Variants in VWA1 observed in about 807,000 individuals in gnomAD.
VWA1 encodes von Willebrand factor A domain containing 1.
A neutral mutation model predicts 14.9 loss-of-function variants in VWA1; 12 were observed. The ratio of observed to expected loss-of-function variants is 0.80; its 90% CI spans 0.52 to 1.30. The LOEUF (loss-of-function observed/expected upper bound fraction) is 1.30, where lower values mean the gene tolerates loss of function less well. Ranked by LOEUF, VWA1 falls within the 50% of genes most tolerant of loss-of-function variation. The pLI is 0.00. For missense variants in VWA1, 800 were observed against 649.1 expected, an observed-to-expected ratio of 1.23 and a Z score of -2.53; for synonymous variants, 368 against 310.7, an observed-to-expected ratio of 1.18 and a Z score of -1.94.
In VWA1 at chr1:1,441,273, T is replaced by C. The variant is rs1255625215; in HGVS notation, c.*1486T>C. The C allele has an allele frequency of 1.3e-5, 2 of 152,130 alleles. No individual in the cohort carries two copies. The highest frequency in any genetic ancestry group is 2.9e-5 in the Non-Finnish European group (2 of 68,020). The allele number at this position is 152,130 out of a possible 1,614,324, so 9.4% of individuals were successfully genotyped here. A position where few individuals can be genotyped will look rare whatever the true frequency, so the allele number is the denominator to read the frequency against. ...CAAGAACCCAGCTCTGTGCATCCCG[T>C]GGCCCCACCAGAAACCCAAGGCCAC... On this transcript the variant is annotated 3_prime_UTR_variant, in exon 3 of 3. Transcript: ENST00000476993.
rs370683192 is a variant in VWA1 at position 1,437,056 on chromosome 1, C to T, written c.203C>T (p.Thr68Ile). 30 of 1,610,672 alleles carry T rather than the reference C, an allele frequency of 1.9e-5. No individual in the cohort carries two copies. The highest frequency in any genetic ancestry group is 2.4e-5 in the Non-Finnish European group (28 of 1,178,930). ...CTGGTGGCTCCACTGCCCCTGGGCA[C>T]CGGGGCCCTGCGTGCCAGTCTGGTG... is the stretch of plus-strand genomic sequence containing the variant. ...GQLVAPLPLG[T>I]GALRASLVHV... is the part of the protein sequence containing the mutation. The change falls in exon 2 of 3, where the codon ACC (threonine) becomes ATC (isoleucine). Residue 68 changes from threonine (T) to isoleucine (I), a missense_variant. Physicochemically the swap from Thr to Ile is moderately conservative, Grantham distance 89. Transcript: ENST00000476993.
chr1:1,439,117 T>A lies in VWA1; in HGVS notation c.668T>A (p.Ile223Asn), dbSNP rs759338228. 1.1e-5 allele frequency: 18 copies of A among 1,600,250 alleles called. No individual in the cohort carries two copies. In the South Asian group the frequency reaches 1.6e-4, roughly 15 times the overall value. ...MRPQQLHATEITSSGFRLAWP... is the reference protein window; with the variant it reads ...MRPQQLHATENTSSGFRLAWP... ...CCGCAGCAGCTCCATGCCACGGAGA[T>A]CACGTCCAGCGGCTTCCGCCTGGCC... The change falls in exon 3 of 3, where the codon ATC becomes AAC. Residue 223 changes from isoleucine (I) to asparagine (N), a missense_variant. Coordinates refer to ENST00000476993, the MANE Select transcript of VWA1 (RefSeq NM_022834.5).
chr1:1,439,161 G>A lies in VWA1; in HGVS notation c.712G>A (p.Ala238Thr). ...CCTGGCCTGGCCACCCCTGCTGACC[G>A]CAGACTCGGGCTACTATGTGCTGGA... ...FRLAWPPLLT[A>T]DSGYYVLELV... Residue 238 changes from alanine (A) to threonine (T), a missense_variant, in exon 3 of 3, where the codon GCA (alanine) becomes ACA (threonine). Ala to Thr is a moderately conservative substitution (Grantham distance 58). Coordinates refer to ENST00000476993, the MANE Select transcript of VWA1 (RefSeq NM_022834.5). 1.9e-6 allele frequency: 3 copies of A among 1,603,378 alleles called. No individual in the cohort carries two copies. The highest frequency in any genetic ancestry group is 1.7e-6 in the Non-Finnish European group (2 of 1,179,214).
chr1:1,435,798 TGGCGCGGAGC>T lies in VWA1; in HGVS notation c.62_71del (p.Gly21AlafsTer12), dbSNP rs749383814. 51 of 1,202,298 alleles carry T rather than the reference TGGCGCGGAGC, an allele frequency of 4.2e-5. No homozygotes were observed. The highest frequency in any genetic ancestry group is 2.3e-4 in the South Asian group (10 of 43,638). 74.5% of individuals were successfully genotyped at this position (1,202,298 alleles called of 1,614,324 possible). On this transcript the variant is annotated frameshift_variant, in exon 1 of 3. Transcript: ENST00000476993. LOFTEE classifies it high-confidence loss of function. ...CTGGCCCTGAGCTTGCGGCTGGCGCTGGCGCGGAGCGGCGCGGAGCGCGGTGAGTGCGGCG... is the reference window on the plus strand; with the variant it reads ...CTGGCCCTGAGCTTGCGGCTGGCGCTGGCGCGGAGCGCGGTGAGTGCGGCG...
At position 1,437,302 on chromosome 1, in the gene VWA1, C is replaced by T. The variant is rs1424890923; in HGVS notation, c.449C>T (p.Pro150Leu). The T allele has an allele frequency of 6.2e-7, 1 of 1,611,130 alleles. No homozygotes were observed. Among genetic ancestry groups the T allele is most frequent in the South Asian group, 1.1e-5 (1 of 90,740 alleles). Residue 150 changes from proline to leucine, a missense_variant, in exon 2 of 3, where the codon CCT becomes CTT. Coordinates refer to ENST00000476993, the MANE Select transcript of VWA1 (RefSeq NM_022834.5). ...GTGACAGATGGCGGCTCCAGCGACC[C>T]TGTGGGCCCCCCCATGCAGGAGCTC... ...VWVTDGGSSD[P>L]VGPPMQELKD...
In VWA1 at chr1:1,437,200, C is replaced by A. The variant is rs144738139; in HGVS notation, c.347C>A (p.Ala116Glu). The change falls in exon 2 of 3, where the codon GCG (alanine) becomes GAG (glutamate). Residue 116 changes from alanine to glutamate, a missense_variant. Transcript: ENST00000476993. ...QRMGDTHTGL[A>E]LVYAKEQLFA... ...ATGGGTGACACCCACACTGGCCTGG[C>A]GCTGGTCTATGCCAAGGAACAGCTG... 1 of 1,611,684 alleles carries A rather than the reference C, an allele frequency of 6.2e-7. No individual in the cohort carries two copies.
rs754903823 is a variant in VWA1 at position 1,439,414 on chromosome 1, C to T, written c.965C>T (p.Thr322Met). 14 of 1,417,218 alleles carry T rather than the reference C, an allele frequency of 9.9e-6. No individual in the cohort carries two copies. The African/African-American group carries it at 2.0e-4, about 20-fold the overall frequency. The allele number at this position is 1,417,218 out of a possible 1,614,324, so 87.8% of individuals were successfully genotyped here. ...GPESGAGPAP[T>M]QLAALPAPEE... ...GAGTCGGGGGCTGGGCCGGCCCCCA[C>T]GCAGCTCGCCGCCCTCCCCGCCCCA... Residue 322 changes from threonine (T) to methionine (M), a missense_variant, in exon 3 of 3, where the codon ACG becomes ATG. Physicochemically the swap from Thr to Met is moderately conservative, Grantham distance 81. Transcript: ENST00000476993.
Position 1,439,271 on chromosome 1 carries a change from C to T in VWA1, c.822C>T (p.Asp274=), listed in dbSNP as rs779236873. 5.6e-6 allele frequency: 9 copies of T among 1,605,696 alleles called. No homozygotes were observed. The East Asian group carries it at 1.8e-4, about 32-fold the overall frequency. The change falls in exon 3 of 3, where the codon GAC becomes GAT. Residue 274 remains aspartate, a synonymous_variant. Transcript: ENST00000476993. ...NATDWIWAGL[D]PDTDYDVALV... ...CGGACTGGATCTGGGCCGGCCTCGA[C>T]CCGGACACGGACTACGACGTGGCGC...
At chr1:1,435,852 G>GGGGCTT in intron 1 of VWA1, 31 bp downstream of exon 1, 1 of 1,110,802 alleles carries the variant, frequency 9.0e-7, no homozygotes, top group Admixed American at 5.2e-5. Flanking sequence ...GGCCGGGGCT[G>GGGGCTT]GGGCTTCTGG....
chr1:1,439,923 G>A lies in VWA1; in HGVS notation c.*136G>A. On this transcript the variant is annotated 3_prime_UTR_variant, in exon 3 of 3. Transcript: ENST00000476993. ...CCCACGCGGACTCCGCGCGACCCCG[G>A]CCCTCTCCCTGCGGCCGCAGGGCTT... The A allele has an allele frequency of 3.0e-6, 3 of 987,130 alleles. No individual in the cohort carries two copies. The East Asian group carries it at 2.6e-4, about 86-fold the overall frequency. 61.1% of individuals were successfully genotyped at this position (987,130 alleles called of 1,614,324 possible). A position where few individuals can be genotyped will look rare whatever the true frequency, so the allele number is the denominator to read the frequency against.
At position 1,435,736 on chromosome 1, in the gene VWA1, T is replaced by C; in HGVS notation, c.-13T>C. On this transcript the variant is annotated 5_prime_UTR_variant, in exon 1 of 3. Coordinates refer to ENST00000476993, the MANE Select transcript of VWA1 (RefSeq NM_022834.5). ...CGAGCGAGTTGCCGAGCGCGCCCCGTCCCTCGCGCGCGATGCTCCCCTGGA... is the reference window on the plus strand; with the variant it reads ...CGAGCGAGTTGCCGAGCGCGCCCCGCCCCTCGCGCGCGATGCTCCCCTGGA... The C allele has an allele frequency of 1.7e-6, 2 of 1,204,346 alleles. No individual in the cohort carries two copies. Among genetic ancestry groups the C allele is most frequent in the Non-Finnish European group, 2.1e-6 (2 of 964,024 alleles). The allele number at this position is 1,204,346 out of a possible 1,614,324, so 74.6% of individuals were successfully genotyped here.
At position 1,437,333 on chromosome 1, in the gene VWA1, C is replaced by T. The variant is rs753903082; in HGVS notation, c.480C>T (p.Asp160=). Residue 160 remains aspartate (D), a synonymous_variant, in exon 2 of 3, where the codon GAC becomes GAT. Transcript: ENST00000476993. ...GCCCCCCCATGCAGGAGCTCAAGGA[C>T]CTGGGCGTCACCGTGTTCATTGTCA... The part of the protein sequence containing the change: ...PVGPPMQELK[D]LGVTVFIVST... 2 of 1,612,416 alleles carry T rather than the reference C, an allele frequency of 1.2e-6. No individual in the cohort carries two copies. The highest frequency in any genetic ancestry group is 1.3e-5 in the African/African-American group (1 of 75,052).
Position 1,435,738 on chromosome 1 carries a change from C to T in VWA1, c.-11C>T, listed in dbSNP as rs1638522207. 3 of 1,206,776 alleles carry T rather than the reference C, an allele frequency of 2.5e-6. No individual in the cohort carries two copies. The highest frequency in any genetic ancestry group is 3.1e-6 in the Non-Finnish European group (3 of 965,452). The allele number at this position is 1,206,776 out of a possible 1,614,324, so 74.8% of individuals were successfully genotyped here. A position where few individuals can be genotyped will look rare whatever the true frequency, so the allele number is the denominator to read the frequency against. On this transcript the variant is annotated 5_prime_UTR_variant, in exon 1 of 3. Transcript: ENST00000476993. ...AGCGAGTTGCCGAGCGCGCCCCGTCCCTCGCGCGCGATGCTCCCCTGGACG... is the reference window on the plus strand; with the variant it reads ...AGCGAGTTGCCGAGCGCGCCCCGTCTCTCGCGCGCGATGCTCCCCTGGACG...
Position 1,439,508 on chromosome 1 carries a change from C to T in VWA1, c.1059C>T (p.Ala353=). ...CGCGCAGCCTCCGCGTGAGTTGGGC[C>T]CCAGCGCTGGGCTCAGCCGCGGCGC... is the stretch of plus-strand genomic sequence containing the variant. The part of the protein sequence containing the change: ...ARPRSLRVSW[A]PALGSAAALG... Residue 353 remains alanine (A), a synonymous_variant, in exon 3 of 3, where the codon GCC becomes GCT. Transcript: ENST00000476993. The T allele has an allele frequency of 7.1e-7, 1 of 1,405,652 alleles. No individual in the cohort carries two copies. Among genetic ancestry groups the T allele is most frequent in the Non-Finnish European group, 9.2e-7 (1 of 1,083,226 alleles). The allele number at this position is 1,405,652 out of a possible 1,614,324, so 87.1% of individuals were successfully genotyped here. A position where few individuals can be genotyped will look rare whatever the true frequency, so the allele number is the denominator to read the frequency against.
chr1:1,436,964 C>T lies in VWA1; in HGVS notation c.111C>T (p.Phe37=), dbSNP rs2100452253. The change falls in exon 2 of 3, where the codon TTC becomes TTT. Residue 37 remains phenylalanine, a synonymous_variant. Transcript: ENST00000476993. ...PASAPRGDLM[F]LLDSSASVSH... is the part of the protein sequence containing the mutation. ...CAGCCCCCCGAGGGGACCTGATGTT[C>T]CTGCTGGACAGCTCAGCCAGCGTCT... is the stretch of plus-strand genomic sequence containing the variant. The T allele has an allele frequency of 2.5e-6, 4 of 1,611,552 alleles. No homozygotes were observed. The highest frequency in any genetic ancestry group is 4.5e-5 in the East Asian group (2 of 44,842).
At position 1,439,711 on chromosome 1, in the gene VWA1, C is replaced by T. The variant is rs1305101276; in HGVS notation, c.1262C>T (p.Thr421Met). 8.5e-7 allele frequency: 1 copy of T among 1,177,054 alleles called. No individual in the cohort carries two copies. 72.9% of individuals were successfully genotyped at this position (1,177,054 alleles called of 1,614,324 possible). A position where few individuals can be genotyped will look rare whatever the true frequency, so the allele number is the denominator to read the frequency against. ...AGCGCGCTGTCCGCCAAGGCCTGCA[C>T]GCCCGACGGCCCGCGCCCGCGCCCA... ...RESALSAKAC[T>M]PDGPRPRPRP... Residue 421 changes from threonine (T) to methionine (M), a missense_variant, in exon 3 of 3, where the codon ACG becomes ATG. By Grantham distance (81) the Thr-to-Met change is moderately conservative. Transcript: ENST00000476993.
At position 1,442,223 on chromosome 1, in the gene VWA1, C is replaced by A. The variant is rs1048916996; in HGVS notation, c.*2436C>A. On this transcript the variant is annotated 3_prime_UTR_variant, in exon 3 of 3. Transcript: ENST00000476993. ...ACAATCCTGGCCCCGACTCAGTCCACCCAGGGTGCAGTGCAGAGGCTGATA... is the reference window on the plus strand; with the variant it reads ...ACAATCCTGGCCCCGACTCAGTCCAACCAGGGTGCAGTGCAGAGGCTGATA... 2 of 152,418 alleles carry A rather than the reference C, an allele frequency of 1.3e-5. No homozygotes were observed. Among genetic ancestry groups the A allele is most frequent in the African/African-American group, 4.8e-5 (2 of 41,480 alleles). 9.4% of individuals were successfully genotyped at this position (152,418 alleles called of 1,614,324 possible). A position where few individuals can be genotyped will look rare whatever the true frequency, so the allele number is the denominator to read the frequency against.
chr1:1,442,602 C>A lies in VWA1; in HGVS notation c.*2815C>A, dbSNP rs902409432. ...CAGTCCCTGACAGGTTGTGCGAGGCCCTTCGCTGGACAGCCCATTGCTGGC... is the reference window on the plus strand; with the variant it reads ...CAGTCCCTGACAGGTTGTGCGAGGCACTTCGCTGGACAGCCCATTGCTGGC... On this transcript the variant is annotated 3_prime_UTR_variant, in exon 3 of 3. Transcript: ENST00000476993. 2 of 152,302 alleles carry A rather than the reference C, an allele frequency of 1.3e-5. No individual in the cohort carries two copies. The highest frequency in any genetic ancestry group is 2.9e-5 in the Non-Finnish European group (2 of 68,084). 9.4% of individuals were successfully genotyped at this position (152,302 alleles called of 1,614,324 possible). A position where few individuals can be genotyped will look rare whatever the true frequency, so the allele number is the denominator to read the frequency against.
Position 1,439,301 on chromosome 1 carries a change from G to A in VWA1, c.852G>A (p.Val284=). Residue 284 remains valine, a synonymous_variant, in exon 3 of 3, where the codon GTG becomes GTA. Transcript: ENST00000476993. ...DPDTDYDVAL[V]PESNVRLLRP... Reference sequence around the variant, plus strand: ...ACACGGACTACGACGTGGCGCTAGTGCCTGAGTCCAACGTGCGCCTCCTGA... The same window carrying A: ...ACACGGACTACGACGTGGCGCTAGTACCTGAGTCCAACGTGCGCCTCCTGA... 6.3e-7 allele frequency: 1 copy of A among 1,597,406 alleles called. No homozygotes were observed. The highest frequency in any genetic ancestry group is 1.7e-4 in the Middle Eastern group (1 of 6,040).
Sources: allele counts gnomAD v4.1 joint callset, GRCh38; gene constraint gnomAD v4.1.1; transcripts MANE v1.5; gene names NCBI Gene and HGNC (gene_info 2026-07-23, HGNC 2026-07-21).